RBFOX1: variants seen among roughly 807,000 people sequenced by gnomAD.
RBFOX1 encodes RNA binding protein fox-1 homolog 1.
Under a neutral mutation model 57.7 loss-of-function variants are expected in RBFOX1, and 8 were observed. The observed-to-expected ratio is 0.14, with a 90% CI of 0.08 to 0.25. The LOEUF is 0.25. Ranked by LOEUF, RBFOX1 falls within the 10% of genes least tolerant of loss-of-function variation. The pLI, the probability that RBFOX1 is intolerant of heterozygous loss-of-function variation, is 1.00. For missense variants in RBFOX1, 611 were observed against 548.5 expected, an observed-to-expected ratio of 1.11 and a Z score of -1.14; for synonymous variants, 326 against 222.4, an observed-to-expected ratio of 1.47 and a Z score of -4.15.
At chr16:6,009,159 G>C (rs577578085) in intron 4 of RBFOX1, among the ~76,000 whole-genome samples, 2 of 151,314 alleles carry the variant, frequency 1.3e-5, no homozygotes, top group East Asian at 3.9e-4. Flanking sequence ...GTGCACACGG[G>C]TTCACAACAT....
In RBFOX1 at chr16:6,773,890, G is replaced by C. The variant is rs116065273; in HGVS notation, c.-16+119240G>C. On this transcript the variant is annotated intron_variant, in intron 3 of 15. Transcript: ENST00000550418. ...AGGGTGCGTTTGTCTGTGTGTATTTGTGTGGGCATGGAGTGCATTTGCGTT... is the reference window on the plus strand; with the variant it reads ...AGGGTGCGTTTGTCTGTGTGTATTTCTGTGGGCATGGAGTGCATTTGCGTT... The C allele has an allele frequency of 4.7e-4, 437 of 924,296 alleles. 3 individuals are homozygous for C. In the African/African-American group the frequency reaches 7.5e-3, roughly 16 times the overall value. 57.3% of individuals were successfully genotyped at this position (924,296 alleles called of 1,614,324 possible). A position where few individuals can be genotyped will look rare whatever the true frequency, so the allele number is the denominator to read the frequency against.
intron 1 of RBFOX1, among the ~76,000 whole-genome samples, chr16:5,411,203 C>T (rs9923228): frequency 0.34 from 51,776 of 152,068 alleles, 9,083 homozygotes; most frequent in African/African-American, 0.43. Flanking sequence ...CCAGAAAGTG[C>T]GAACAAGTCA....
At chr16:7,465,163 G>T (rs1161539543) in intron 4 of RBFOX1, among the ~76,000 whole-genome samples, 1 of 152,082 alleles carries the variant, frequency 6.6e-6, no homozygotes, top group African/African-American at 2.4e-5. Flanking sequence ...TTTCCACCTA[G>T]AATCCTCCTT....
intron 4 of RBFOX1, among the ~76,000 whole-genome samples, chr16:7,502,667 C>T (rs1333699608): frequency 6.6e-6 from 1 of 152,054 alleles, no homozygotes; most frequent in Non-Finnish European, 1.5e-5. Flanking sequence ...CATACGTATA[C>T]ATGTGGTGAG....
At chr16:6,161,049 C>A (rs1161022170) in intron 1 of RBFOX1, among the ~76,000 whole-genome samples, 1 of 152,180 alleles carries the variant, frequency 6.6e-6, no homozygotes, top group Admixed American at 6.5e-5. Context: ...TGCAGCCCTG[C>A]CCCTTGAACA....
intron 3 of RBFOX1, among the ~76,000 whole-genome samples, chr16:6,838,041 G>T (rs1344021683): frequency 6.6e-6 from 1 of 151,548 alleles, no homozygotes; most frequent in African/African-American, 2.4e-5. Flanking sequence ...TTTAAGTTCC[G>T]GGATGCATGT....
At chr16:6,272,946 A>G (rs1357007434) in intron 1 of RBFOX1, among the ~76,000 whole-genome samples, 1 of 152,208 alleles carries the variant, frequency 6.6e-6, no homozygotes, top group African/African-American at 2.4e-5. Context: ...TATAAAACAT[A>G]AAACTATAAA....
intron 4 of RBFOX1, among the ~76,000 whole-genome samples, chr16:7,138,902 G>C (rs1212842642): frequency 6.6e-6 from 1 of 152,066 alleles, no homozygotes; most frequent in Non-Finnish European, 1.5e-5. Context: ...TCCGCCTCCC[G>C]GGTTCAAGTA....
chr16:5,559,159 C>G (rs1280153372), intron 2 of RBFOX1, among the ~76,000 whole-genome samples: 1 of 135,726 alleles, frequency 7.4e-6, no homozygotes, highest in East Asian at 2.2e-4. Context: ...GGAGAACCCC[C>G]CCAGGCAAAA....
At chr16:6,502,770 C>A (rs2095975558) in intron 2 of RBFOX1, among the ~76,000 whole-genome samples, 1 of 152,104 alleles carries the variant, frequency 6.6e-6, no homozygotes, top group South Asian at 2.1e-4. Context: ...TCATGATTAT[C>A]AGCATCCTTT....
chr16:7,671,027 G>T (rs1471864045), intron 13 of RBFOX1, among the ~76,000 whole-genome samples: 1 of 152,130 alleles, frequency 6.6e-6, no homozygotes, highest in Non-Finnish European at 1.5e-5. Flanking sequence ...ATTAAAAGGA[G>T]CCATCGTAGC....
chr16:6,812,456 C>G (rs1244173096), intron 3 of RBFOX1, among the ~76,000 whole-genome samples: 2 of 152,116 alleles, frequency 1.3e-5, no homozygotes, highest in Admixed American at 6.5e-5. Context: ...TCATTGCAAC[C>G]TCCACCTCTA....
intron 3 of RBFOX1, among the ~76,000 whole-genome samples, chr16:5,806,753 TA>T (rs1421682097): frequency 3.3e-5 from 5 of 152,224 alleles, no homozygotes; most frequent in African/African-American, 1.2e-4. Context: ...TGCCCCGGGA[TA>T]AGCTTCCCTA....
chr16:7,525,096 T>C (rs997799623), intron 5 of RBFOX1, among the ~76,000 whole-genome samples: 3 of 152,236 alleles, frequency 2.0e-5, no homozygotes, highest in South Asian at 2.1e-4. Flanking sequence ...TGCAAGCATA[T>C]GCCTGCTTGT....
At chr16:7,349,928 C>G (rs1331525184) in intron 4 of RBFOX1, among the ~76,000 whole-genome samples, 1 of 152,138 alleles carries the variant, frequency 6.6e-6, no homozygotes, top group East Asian at 1.9e-4. Context: ...GGGTGGATCA[C>G]TTGAGGTCAG....
chr16:5,466,555 T>C (rs2068960410), intron 1 of RBFOX1, among the ~76,000 whole-genome samples: 1 of 152,222 alleles, frequency 6.6e-6, no homozygotes. Flanking sequence ...CTGGGAATCC[T>C]AGTTCAGGAG....
chr16:6,641,580 C>T (rs549027832), intron 2 of RBFOX1, among the ~76,000 whole-genome samples: 1 of 151,774 alleles, frequency 6.6e-6, no homozygotes, highest in Admixed American at 6.6e-5. Context: ...ACTAGAAATA[C>T]AAAAGTTAGC....
chr16:7,075,097 G>T (rs1476203683), intron 4 of RBFOX1, among the ~76,000 whole-genome samples: 1 of 152,204 alleles, frequency 6.6e-6, no homozygotes, highest in Non-Finnish European at 1.5e-5. Context: ...GAAGTTCTGT[G>T]TTATTTGAAA....
At position 7,023,754 on chromosome 16, in the gene RBFOX1, T is replaced by C. The variant is rs138406646; in HGVS notation, c.-15-28303T>C. ...AACAGGTATCACTTATCAATCCCTG[T>C]GTTCTTTTCCACTTAGCTCAAATAC... On this transcript the variant is annotated intron_variant, in intron 3 of 15. Coordinates refer to ENST00000550418, the MANE Select transcript of RBFOX1 (RefSeq NM_018723.4). 3.8e-4 allele frequency among the ~76,000 whole-genome samples: 58 copies of C among 152,176 alleles called. 1 individual carries two copies. Among genetic ancestry groups the C allele is most frequent in the African/African-American group, 1.4e-3 (57 of 41,532 alleles).
Sources: gnomAD v4.1 joint callset for allele counts (sites outside exome capture counted in the v4.1 genomes callset) on GRCh38, gnomAD v4.1.1 for gene constraint, MANE v1.5 for transcripts, NCBI Gene and HGNC (gene_info 2026-07-23, HGNC 2026-07-21) for gene names.